The following FTO variants were observed in gnomAD, a reference collection of about 807,000 sequenced individuals.
FTO encodes the protein alpha-ketoglutarate-dependent dioxygenase FTO.
Under a neutral mutation model 63.9 loss-of-function variants are expected in FTO, and 47 were observed. The ratio of observed to expected loss-of-function variants is 0.74; its 90% CI spans 0.58 to 0.94. The LOEUF is 0.94. Among genes scored for constraint, FTO ranks in the 40% least tolerant of loss-of-function variants. The pLI is 0.00. For missense variants in FTO, 562 were observed against 618.1 expected, an observed-to-expected ratio of 0.91 and a Z score of 0.96; for synonymous variants, 207 against 224.4, an observed-to-expected ratio of 0.92 and a Z score of 0.69.
intron 1 of FTO, among the ~76,000 whole-genome samples, chr16:53,748,564 C>T (rs1336482021): frequency 7.2e-5 from 11 of 152,194 alleles, no homozygotes; most frequent in Admixed American, 3.3e-4. Context: ...AAGCAATTCT[C>T]GTGCCTCAGC....
chr16:53,737,982 T>G (rs567022835), intron 1 of FTO, among the ~76,000 whole-genome samples: 1 of 152,080 alleles, frequency 6.6e-6, no homozygotes, highest in East Asian at 1.9e-4. Context: ...GAGACAAGGT[T>G]TCGCTCTGTC....
At chr16:53,872,352 G>A (rs892027651) in intron 4 of FTO, among the ~76,000 whole-genome samples, 4 of 152,194 alleles carry the variant, frequency 2.6e-5, no homozygotes, top group Non-Finnish European at 4.4e-5. Context: ...TCTCTGTATA[G>A]CTGTTTCTGT....
At chr16:53,969,672 CACT>C (rs1599114057) in intron 8 of FTO, among the ~76,000 whole-genome samples, 1 of 152,304 alleles carries the variant, frequency 6.6e-6, no homozygotes, top group Middle Eastern at 3.4e-3. Context: ...TACTACTGCA[CACT>C]CTCTGTTTCT....
chr16:54,110,834 C>G (rs957390545), intron 8 of FTO, among the ~76,000 whole-genome samples: 6 of 152,212 alleles, frequency 3.9e-5, no homozygotes, highest in African/African-American at 1.4e-4. Flanking sequence ...TTTTCACTGC[C>G]ACGTACTCCA....
chr16:53,833,612 A>G (rs2079202645), intron 3 of FTO, among the ~76,000 whole-genome samples: 1 of 152,182 alleles, frequency 6.6e-6, no homozygotes, highest in Non-Finnish European at 1.5e-5. Flanking sequence ...GGATTGCTGG[A>G]TCAAATGATA....
At chr16:53,966,672 T>C (rs1452525902) in intron 8 of FTO, among the ~76,000 whole-genome samples, 1 of 152,234 alleles carries the variant, frequency 6.6e-6, no homozygotes, top group Non-Finnish European at 1.5e-5. Flanking sequence ...TAATAGCTAA[T>C]TCTATTTAGA....
intron 1 of FTO, among the ~76,000 whole-genome samples, chr16:53,752,145 G>A (rs1040397573): frequency 9.2e-5 from 14 of 152,196 alleles, no homozygotes; most frequent in Middle Eastern, 3.2e-3. Context: ...CATTAAGGGA[G>A]ATGAAGCTAG....
Position 54,058,440 on chromosome 16 carries a change from G to A in FTO, c.1365-53322G>A, listed in dbSNP as rs534116366. On this transcript the variant is annotated intron_variant, in intron 8 of 8. Coordinates refer to ENST00000471389, the MANE Select transcript of FTO (RefSeq NM_001080432.3). Reference sequence around the variant, plus strand: ...GCCTGGCCGGAGGAGAAACTCCAGCGCAGTAAAGAAACAGCCCTGCTGGTA... The same window carrying A: ...GCCTGGCCGGAGGAGAAACTCCAGCACAGTAAAGAAACAGCCCTGCTGGTA... 6.6e-5 allele frequency among the ~76,000 whole-genome samples: 10 copies of A among 152,212 alleles called. No individual in the cohort carries two copies. In the South Asian group the frequency reaches 1.5e-3, roughly 22 times the overall value.
At chr16:53,732,041 A>ATTTTTTTTT (rs375814669) in intron 1 of FTO, among the ~76,000 whole-genome samples, 1 of 98,620 alleles carries the variant, frequency 1.0e-5, no homozygotes, top group Non-Finnish European at 1.9e-5. Flanking sequence ...TTGTGGCCTT[A>ATTTTTTTTT]TTTTTTTTTT....
chr16:53,889,847 T>C (rs2081103803), intron 7 of FTO, among the ~76,000 whole-genome samples: 1 of 150,490 alleles, frequency 6.6e-6, no homozygotes, highest in African/African-American at 2.5e-5. Context: ...ATAATAATAA[T>C]AACAAACACT....
intron 8 of FTO, among the ~76,000 whole-genome samples, chr16:53,997,073 A>G (rs1330083089): frequency 1.3e-5 from 2 of 151,920 alleles, no homozygotes; most frequent in South Asian, 2.1e-4. Context: ...AGATTGTGCC[A>G]TTGCACTCCA....
intron 2 of FTO, among the ~76,000 whole-genome samples, chr16:53,823,427 T>C (rs542517329): frequency 6.6e-6 from 1 of 152,192 alleles, no homozygotes; most frequent in Admixed American, 6.5e-5. Context: ...TGTGTGCTGA[T>C]CACTCCCACA....
chr16:53,787,955 G>A (rs2077794039), intron 1 of FTO, among the ~76,000 whole-genome samples: 1 of 152,118 alleles, frequency 6.6e-6, no homozygotes, highest in Non-Finnish European at 1.5e-5. Context: ...CTGTTCTCCT[G>A]TCCTGCTCAA....
chr16:53,851,982 A>C (rs188324104), intron 4 of FTO, among the ~76,000 whole-genome samples: 31 of 151,968 alleles, frequency 2.0e-4, no homozygotes, highest in Admixed American at 2.0e-3. Context: ...TTCTTTAATA[A>C]CTTTAAGCAT....
chr16:53,945,727 T>G (rs79587397), intron 8 of FTO, among the ~76,000 whole-genome samples: 4,977 of 152,280 alleles, frequency 0.033, 281 homozygotes, highest in African/African-American at 0.11. Context: ...GGTTACAGTC[T>G]TTTAGAAGGT....
intron 8 of FTO, among the ~76,000 whole-genome samples, chr16:53,959,147 G>A (rs2083005715): frequency 6.6e-6 from 1 of 152,184 alleles, no homozygotes; most frequent in East Asian, 1.9e-4. Flanking sequence ...TAAGAAAAGG[G>A]TACGTGGAGC....
chr16:53,953,022 C>T (rs1014021441), intron 8 of FTO, among the ~76,000 whole-genome samples: 1 of 152,124 alleles, frequency 6.6e-6, no homozygotes, highest in Non-Finnish European at 1.5e-5. Flanking sequence ...TTAGAAAACC[C>T]GTCCAATGAA....
intron 8 of FTO, among the ~76,000 whole-genome samples, chr16:53,966,464 C>CA (rs2083199303): frequency 6.6e-6 from 1 of 152,166 alleles, no homozygotes; most frequent in East Asian, 1.9e-4. Flanking sequence ...AGGAAAATTC[C>CA]AAGCAGCTGC....
chr16:53,842,604 A>G (rs536445202), intron 3 of FTO, among the ~76,000 whole-genome samples: 1 of 152,128 alleles, frequency 6.6e-6, no homozygotes, highest in African/African-American at 2.4e-5. Context: ...TATAAATATT[A>G]TATTATTATC....
Sources: gnomAD v4.1 joint callset for allele counts (sites outside exome capture counted in the v4.1 genomes callset) on GRCh38, gnomAD v4.1.1 for gene constraint, MANE v1.5 for transcripts, NCBI Gene and HGNC (gene_info 2026-07-23, HGNC 2026-07-21) for gene names.